Variants in SPATC1L observed in about 807,000 individuals in gnomAD.
SPATC1L encodes speriolin-like protein.
A neutral mutation model predicts 21.2 loss-of-function variants in SPATC1L; 20 were observed. That is an observed-to-expected ratio of 0.94 (90% CI 0.66 to 1.37). The LOEUF is 1.37. SPATC1L is among the 40% of genes most tolerant of loss of function. The pLI is 0.00. For missense variants in SPATC1L, 499 were observed against 478.7 expected (o/e 1.04, Z -0.40); for synonymous variants, 290 against 234.5 (o/e 1.24, Z -2.16).
chr21:46,172,353 C>T (rs909524975), intron 2 of SPATC1L, among the ~76,000 whole-genome samples: 2 of 152,174 alleles, frequency 1.3e-5, no homozygotes, highest in Admixed American at 6.5e-5. Context: ...GGCTGTGCAG[C>T]GTAGCAAGAT....
At chr21:46,172,077 G>A (rs1369475894) in intron 2 of SPATC1L, among the ~76,000 whole-genome samples, 2 of 150,906 alleles carry the variant, frequency 1.3e-5, no homozygotes, top group Admixed American at 1.3e-4. Flanking sequence ...GCATGAGGCG[G>A]GGGATGCACA....
At chr21:46,164,687 G>A (rs1312407805) in intron 3 of SPATC1L, among the ~76,000 whole-genome samples, 1 of 151,880 alleles carries the variant, frequency 6.6e-6, no homozygotes, top group Admixed American at 6.6e-5. Flanking sequence ...AGCTACTGAG[G>A]AGGCTGAGGC....
rs567411087 is a variant in SPATC1L, at chr21:46,179,698, G to A, written c.193+2926C>T. ...CACCACCAACAACTAGGGAGCGAGT[G>A]GGCAATCTGGGGGGGCCTGGCTGTC... On this transcript the variant is annotated intron_variant, in intron 2 of 4. Coordinates refer to ENST00000291672, the MANE Select transcript of SPATC1L (RefSeq NM_001142854.2). Among the ~76,000 whole-genome samples, 5 of 152,326 alleles carry A rather than the reference G, an allele frequency of 3.3e-5. No homozygotes were observed. The South Asian group carries it at 1.0e-3, about 32-fold the overall frequency.
At chr21:46,163,031 C>T (rs2079514181) in intron 3 of SPATC1L, among the ~76,000 whole-genome samples, 2 of 152,236 alleles carry the variant, frequency 1.3e-5, no homozygotes. Context: ...CCATCTTTTT[C>T]CTGGAGGACG....
At chr21:46,174,009 C>T (rs1406531843) in intron 2 of SPATC1L, among the ~76,000 whole-genome samples, 1 of 152,118 alleles carries the variant, frequency 6.6e-6, no homozygotes, top group Admixed American at 6.5e-5. Flanking sequence ...GCTGAATCCA[C>T]CTTATACCAC....
chr21:46,177,764 T>C lies in SPATC1L; in HGVS notation c.193+4860A>G, dbSNP rs558055704. On this transcript the variant is annotated intron_variant, in intron 2 of 4. Coordinates refer to ENST00000291672, the MANE Select transcript of SPATC1L (RefSeq NM_001142854.2). ...AATTCCATTACTGGTTGGGTTCCAT[T>C]AATGGTACCCAAAGGAATATAAATC... Among the ~76,000 whole-genome samples, 114 of 152,310 alleles carry C rather than the reference T, an allele frequency of 7.5e-4. 1 individual carries two copies. Among genetic ancestry groups the C allele is most frequent in the African/African-American group, 2.7e-3 (113 of 41,570 alleles).
At chr21:46,175,663 T>C (rs1022747782) in intron 2 of SPATC1L, among the ~76,000 whole-genome samples, 22 of 152,104 alleles carry the variant, frequency 1.4e-4, no homozygotes, top group African/African-American at 5.3e-4. Flanking sequence ...GAGTCAGTAA[T>C]AAATAGCCTA....
At chr21:46,171,960 A>C (rs930869076) in intron 2 of SPATC1L, among the ~76,000 whole-genome samples, 1 of 150,428 alleles carries the variant, frequency 6.6e-6, no homozygotes, top group Non-Finnish European at 1.5e-5. Context: ...AAAAAAAAAA[A>C]AACCATGGCC....
intron 2 of SPATC1L, among the ~76,000 whole-genome samples, chr21:46,178,253 A>C (rs113194541): frequency 0.08 from 11,756 of 147,090 alleles, 616 homozygotes; most frequent in African/African-American, 0.12. Context: ...AAAAAAAAAA[A>C]AAACCAGAAT....
In SPATC1L at chr21:46,168,654, T is replaced by C; in HGVS notation, c.198A>G (p.Pro66=). The part of the protein sequence containing the change: ...PEAGSPGSGV[P]DFGRFTSVAD... ...CAACACTCGTGAACCTTCCGAAATCTGGAACTGAGGCGGGGAGGAAAGGGA... is the reference window on the plus strand; with the variant it reads ...CAACACTCGTGAACCTTCCGAAATCCGGAACTGAGGCGGGGAGGAAAGGGA... The change falls in exon 3 of 5, where the codon CCA becomes CCG. Residue 66 remains proline (P), a synonymous_variant. Coordinates refer to ENST00000291672, the MANE Select transcript of SPATC1L (RefSeq NM_001142854.2). 2 of 1,359,288 alleles carry C rather than the reference T, an allele frequency of 1.5e-6. No individual in the cohort carries two copies. The highest frequency in any genetic ancestry group is 4.1e-5 in the South Asian group (2 of 48,590). 84.2% of individuals were successfully genotyped at this position (1,359,288 alleles called of 1,614,324 possible). A position where few individuals can be genotyped will look rare whatever the true frequency, so the allele number is the denominator to read the frequency against.
At chr21:46,183,937 T>TGGGGGAGACCAGCCTGGG (rs2079702634) in intron 1 of SPATC1L, among the ~76,000 whole-genome samples, 163 bp from the exon 2 acceptor site, 1 of 25,910 alleles carries the variant, frequency 3.9e-5, no homozygotes, top group Admixed American at 3.9e-4. Context: ...ACCAGCCTTG[T>TGGGGGAGACCAGCCTGGG]GGGGGAGACC....
chr21:46,171,917 A>T lies in SPATC1L; in HGVS notation c.194-3259T>A, dbSNP rs73384646. Among the ~76,000 whole-genome samples, 1,095 of 144,656 alleles carry T rather than the reference A, an allele frequency of 7.6e-3. 16 individuals carry two copies. The highest frequency in any genetic ancestry group is 0.026 in the African/African-American group (1,022 of 38,792). 94.9% of individuals were successfully genotyped at this position (144,656 alleles called of 152,430 possible). A position where few individuals can be genotyped will look rare whatever the true frequency, so the allele number is the denominator to read the frequency against. ...AAATTTGTCACAACTCTGATGTCAA[A>T]TTCCTACAAAGATAACCCCCAGAAA... On this transcript the variant is annotated intron_variant, in intron 2 of 4. Transcript: ENST00000291672.
chr21:46,177,317 C>T (rs192473218), intron 2 of SPATC1L, among the ~76,000 whole-genome samples: 1 of 152,126 alleles, frequency 6.6e-6, no homozygotes, highest in East Asian at 1.9e-4. Context: ...ACAGAGTAAA[C>T]AGCAAACCTA....
At chr21:46,171,376 C>T (rs2123637866) in intron 2 of SPATC1L, among the ~76,000 whole-genome samples, 1 of 151,208 alleles carries the variant, frequency 6.6e-6, no homozygotes, top group Admixed American at 6.6e-5. Flanking sequence ...TTGCAGTGAG[C>T]CAAGATCGTG....
rs537523590 is a variant in SPATC1L at position 46,182,622 on chromosome 21, A to C, written c.193+2T>G. On this transcript the variant is annotated splice_donor_variant, in intron 2 of 4. Coordinates refer to ENST00000291672, the MANE Select transcript of SPATC1L (RefSeq NM_001142854.2). LOFTEE classifies it high-confidence loss of function. ...GGCCATCTGAGCTGGGCGGCGCCTC[A>C]CCTCCGCTCCCGGGGGAGCCGGCCT... 1 of 1,490,140 alleles carries C rather than the reference A, an allele frequency of 6.7e-7. No homozygotes were observed. Among genetic ancestry groups the C allele is most frequent in the East Asian group, 2.5e-5 (1 of 39,478 alleles). 92.3% of individuals were successfully genotyped at this position (1,490,140 alleles called of 1,614,324 possible).
rs2079502622 is a variant in SPATC1L at position 46,162,065 on chromosome 21, T to A, written c.547A>T (p.Ile183Phe). ...TTCTCGGCGCCCGCGAAGCTCTGGA[T>A]CTCTGGGGGAGGGAAGGCCGGGGAC... ...RTRRSYYLNEIQSFAGAEKDA... is the reference protein window; with the variant it reads ...RTRRSYYLNEFQSFAGAEKDA... The change falls in exon 4 of 5, where the codon ATC becomes TTC. Residue 183 changes from isoleucine to phenylalanine, a missense_variant and splice_region_variant. Transcript: ENST00000291672. The A allele has an allele frequency of 1.3e-6, 2 of 1,572,168 alleles. No individual in the cohort carries two copies. Among genetic ancestry groups the A allele is most frequent in the Non-Finnish European group, 1.7e-6 (2 of 1,161,572 alleles).
chr21:46,181,765 G>T (rs1225806364), intron 2 of SPATC1L, among the ~76,000 whole-genome samples: 3 of 152,154 alleles, frequency 2.0e-5, no homozygotes, highest in Non-Finnish European at 4.4e-5. Context: ...GGCTGACCAC[G>T]TCCTTTCCGG....
At chr21:46,178,679 G>A (rs8127800) in intron 2 of SPATC1L, among the ~76,000 whole-genome samples, 14,915 of 152,194 alleles carry the variant, frequency 0.098, 934 homozygotes, top group African/African-American at 0.16. Flanking sequence ...CTGAGATCAG[G>A]AGTCCAAGAT....
chr21:46,161,747 C>T lies in SPATC1L; in HGVS notation c.697-42G>A, dbSNP rs767831240. The stretch of plus-strand genomic sequence containing the variant: ...TGGATGGGGGTGGGGGGCTCGGGGC[C>T]CTCGGACGGGGACTTCCAGGCCCAG... On this transcript the variant is annotated intron_variant, in intron 4 of 4. Transcript: ENST00000291672. The T allele has an allele frequency of 6.6e-5, 100 of 1,514,032 alleles. No homozygotes were observed. The African/African-American group carries it at 1.1e-3, about 17-fold the overall frequency. The allele number at this position is 1,514,032 out of a possible 1,614,324, so 93.8% of individuals were successfully genotyped here.
Sources: allele counts gnomAD v4.1 joint callset (sites outside exome capture counted in the v4.1 genomes callset), GRCh38; gene constraint gnomAD v4.1.1; transcripts MANE v1.5; gene names NCBI Gene and HGNC (gene_info 2026-07-23, HGNC 2026-07-21).